Variants in MAGI2 observed in about 807,000 individuals in gnomAD.
MAGI2 encodes the protein membrane associated guanylate kinase, WW and PDZ domain containing 2, also known as membrane-associated guanylate kinase, WW and PDZ domain-containing protein 2.
In MAGI2, 35 loss-of-function variants were observed where a neutral mutation model predicts 133.3. The ratio of observed to expected loss-of-function variants is 0.26; its 90% CI spans 0.20 to 0.35. MAGI2 has a LOEUF of 0.35. MAGI2 is among the 10% of genes least tolerant of loss of function. The probability of loss-of-function intolerance (pLI) is 1.00; values close to 1 mark genes in which losing one functional copy is unlikely to be tolerated. For missense variants in MAGI2, 1,636 were observed against 1,863.4 expected, an observed-to-expected ratio of 0.88 and a Z score of 2.25; for synonymous variants, 729 against 710.6, an observed-to-expected ratio of 1.03 and a Z score of -0.41.
chr7:79,345,927 G>A (rs1051627395), intron 1 of MAGI2, among the ~76,000 whole-genome samples: 3 of 151,952 alleles, frequency 2.0e-5, no homozygotes, highest in Non-Finnish European at 4.4e-5. Context: ...GTGAAGAGGC[G>A]TATTAAATGT....
At chr7:79,426,893 T>C (rs575084950) in intron 1 of MAGI2, among the ~76,000 whole-genome samples, 1 of 152,254 alleles carries the variant, frequency 6.6e-6, no homozygotes, top group Admixed American at 6.5e-5. Flanking sequence ...ATTGTACTTT[T>C]GAAAATTAGG....
At chr7:78,108,606 GTCTC>G (rs957711953) in intron 20 of MAGI2, among the ~76,000 whole-genome samples, 11 of 149,742 alleles carry the variant, frequency 7.3e-5, no homozygotes, top group African/African-American at 9.8e-5. Flanking sequence ...ATTGGGGTCG[GTCTC>G]TCTCTCTCTC....
chr7:78,619,318 A>G (rs1563251499), intron 3 of MAGI2, among the ~76,000 whole-genome samples: 1 of 151,944 alleles, frequency 6.6e-6, no homozygotes, highest in East Asian at 1.9e-4. Flanking sequence ...GGTTTTACCT[A>G]ATAATATTAT....
chr7:78,450,621 G>A (rs929786350), intron 6 of MAGI2, among the ~76,000 whole-genome samples: 11 of 151,780 alleles, frequency 7.2e-5, no homozygotes, highest in Non-Finnish European at 1.2e-4. Flanking sequence ...TTAACTTGAG[G>A]GTGACAAGAA....
At chr7:78,315,787 G>A (rs539073102) in intron 9 of MAGI2, among the ~76,000 whole-genome samples, 1 of 152,154 alleles carries the variant, frequency 6.6e-6, no homozygotes. Flanking sequence ...CTATTTTATA[G>A]GTAGTAAGTT....
chr7:78,415,026 A>G (rs966211797), intron 6 of MAGI2, among the ~76,000 whole-genome samples: 1 of 152,116 alleles, frequency 6.6e-6, no homozygotes, highest in Non-Finnish European at 1.5e-5. Flanking sequence ...TAGATTTCAT[A>G]AAAAGGTCCA....
intron 2 of MAGI2, among the ~76,000 whole-genome samples, chr7:78,724,372 G>A (rs758586230): frequency 6.6e-6 from 1 of 152,192 alleles, no homozygotes; most frequent in Non-Finnish European, 1.5e-5. Flanking sequence ...GAGAGAGTCA[G>A]ATGAAAGTGC....
chr7:78,944,707 CTATT>C (rs56177719), intron 2 of MAGI2, among the ~76,000 whole-genome samples: 96,707 of 147,414 alleles, frequency 0.66, 34,213 homozygotes, highest in Middle Eastern at 0.8. Flanking sequence ...AAATAGACTA[CTATT>C]TATTTATTTA....
intron 21 of MAGI2, among the ~76,000 whole-genome samples, chr7:78,076,220 G>T (rs117160853): frequency 0.041 from 6,207 of 152,052 alleles, 202 homozygotes; most frequent in African/African-American, 0.088. Flanking sequence ...ACTTTGGAAG[G>T]CTGAGATGGG....
intron 1 of MAGI2, among the ~76,000 whole-genome samples, chr7:79,134,597 A>G (rs1239014072): frequency 6.6e-6 from 1 of 152,204 alleles, no homozygotes; most frequent in African/African-American, 2.4e-5. Flanking sequence ...AAGTAGAGAA[A>G]AATAAACTTT....
At chr7:79,305,736 T>A (rs1319264767) in intron 1 of MAGI2, among the ~76,000 whole-genome samples, 1 of 152,104 alleles carries the variant, frequency 6.6e-6, no homozygotes, top group African/African-American at 2.4e-5. Context: ...AGTGAGACCC[T>A]GTCTCTACAA....
intron 2 of MAGI2, among the ~76,000 whole-genome samples, chr7:78,865,211 A>G (rs1794459008): frequency 6.6e-6 from 1 of 152,212 alleles, no homozygotes; most frequent in Admixed American, 6.5e-5. Flanking sequence ...GAAAAAGGAA[A>G]GATGATATTG....
chr7:78,638,080 A>G (rs1209183458), intron 2 of MAGI2, among the ~76,000 whole-genome samples: 1 of 151,856 alleles, frequency 6.6e-6, no homozygotes, highest in African/African-American at 2.4e-5. Context: ...AAATAAAAAG[A>G]AAAGAAAAGA....
chr7:78,972,938 TAC>T (rs3069435), intron 2 of MAGI2, among the ~76,000 whole-genome samples: 11,164 of 148,184 alleles, frequency 0.075, 422 homozygotes, highest in African/African-American at 0.085. Context: ...TTGTTGCTTT[TAC>T]ACACACACAC....
intron 6 of MAGI2, among the ~76,000 whole-genome samples, chr7:78,370,574 T>C (rs552783820): frequency 3.6e-4 from 54 of 151,132 alleles, no homozygotes; most frequent in African/African-American, 1.3e-3. Context: ...CCTTTTATTG[T>C]TTTTGACATA....
chr7:78,987,180 T>C (rs1805346993), intron 2 of MAGI2, among the ~76,000 whole-genome samples: 1 of 152,008 alleles, frequency 6.6e-6, no homozygotes, highest in African/African-American at 2.4e-5. Flanking sequence ...GGAGGTGAAG[T>C]TTTATTTTAT....
intron 3 of MAGI2, among the ~76,000 whole-genome samples, chr7:78,529,334 A>C (rs184737365): frequency 2.2e-4 from 34 of 152,128 alleles, no homozygotes; most frequent in African/African-American, 7.9e-4. Flanking sequence ...GAAATTGGAC[A>C]CTCTTTCCTT....
In MAGI2 at chr7:78,786,859, G is replaced by A. The variant is rs188084134; in HGVS notation, c.419-159620C>T. On this transcript the variant is annotated intron_variant, in intron 2 of 21. Transcript: ENST00000354212. Reference sequence around the variant, plus strand: ...TGAGGCAGAGATTTGAGTTGCTTCCGCTCACTTCTGTATCTTTGGTGCCTA... The same window carrying A: ...TGAGGCAGAGATTTGAGTTGCTTCCACTCACTTCTGTATCTTTGGTGCCTA... Among the ~76,000 whole-genome samples, 206 of 152,186 alleles carry A rather than the reference G, an allele frequency of 1.4e-3. 1 individual carries two copies. Among genetic ancestry groups the A allele is most frequent in the African/African-American group, 4.4e-3 (181 of 41,516 alleles).
chr7:79,430,454 T>C (rs1205716132), intron 1 of MAGI2, among the ~76,000 whole-genome samples: 1 of 152,216 alleles, frequency 6.6e-6, no homozygotes, highest in Non-Finnish European at 1.5e-5. Context: ...CTTTGTGTAC[T>C]TAGTAATAGA....
Sources: gnomAD v4.1 joint callset for allele counts (sites outside exome capture counted in the v4.1 genomes callset) on GRCh38, gnomAD v4.1.1 for gene constraint, MANE v1.5 for transcripts, NCBI Gene and HGNC (gene_info 2026-07-23, HGNC 2026-07-21) for gene names.